PTPRA: variants seen among roughly 807,000 people sequenced by gnomAD.
PTPRA encodes the protein receptor-type tyrosine-protein phosphatase alpha.
In PTPRA, 25 loss-of-function variants were observed where a neutral mutation model predicts 104.8. The ratio of observed to expected loss-of-function variants is 0.24; its 90% CI spans 0.17 to 0.33. The LOEUF (loss-of-function observed/expected upper bound fraction) is 0.33. Among genes scored for constraint, PTPRA ranks in the 10% least tolerant of loss-of-function variants. The pLI is 1.00. For missense variants in PTPRA, 765 were observed against 1,015.3 expected (o/e 0.75, Z 3.35); for synonymous variants, 323 against 368.9 (o/e 0.88, Z 1.43).
intron 2 of PTPRA, among the ~76,000 whole-genome samples, chr20:2,937,042 A>G (rs892642705): frequency 1.3e-5 from 2 of 151,848 alleles, no homozygotes; most frequent in African/African-American, 4.8e-5. Flanking sequence ...ATTACAGTCT[A>G]TTAATATCAA....
At chr20:3,023,755 A>G (rs2065001166) in intron 16 of PTPRA, among the ~76,000 whole-genome samples, 1 of 152,178 alleles carries the variant, frequency 6.6e-6, no homozygotes, top group Admixed American at 6.5e-5. Flanking sequence ...GTGCTGGCGC[A>G]TGTCCTCCGT....
intron 9 of PTPRA, among the ~76,000 whole-genome samples, chr20:2,993,099 GTAGA>G (rs1346856117): frequency 6.7e-6 from 1 of 149,994 alleles, no homozygotes; most frequent in African/African-American, 2.5e-5. Context: ...AGGTAGGTAG[GTAGA>G]TTGATTGATT....
At chr20:2,930,273 C>T (rs549596958) in intron 2 of PTPRA, among the ~76,000 whole-genome samples, 3 of 152,084 alleles carry the variant, frequency 2.0e-5, no homozygotes, top group South Asian at 4.1e-4. Flanking sequence ...AAGTAAAATA[C>T]GAGCTGGCCA....
intron 1 of PTPRA, among the ~76,000 whole-genome samples, chr20:2,911,096 TTTA>T (rs777281807): frequency 2.6e-4 from 40 of 152,120 alleles, no homozygotes; most frequent in Non-Finnish European, 5.0e-4. Context: ...TTTAGTTGCT[TTTA>T]TTTTTATTTT....
chr20:2,925,269 A>G (rs909166961), intron 2 of PTPRA, among the ~76,000 whole-genome samples: 4 of 152,166 alleles, frequency 2.6e-5, no homozygotes, highest in Non-Finnish European at 5.9e-5. Flanking sequence ...ACCTCGTATA[A>G]GTGGAATCAT....
chr20:3,020,639 G>A (rs767443411), intron 13 of PTPRA, among the ~76,000 whole-genome samples: 2 of 152,222 alleles, frequency 1.3e-5, no homozygotes, highest in Non-Finnish European at 2.9e-5. Context: ...CTGGGCCACA[G>A]CCAGAGCCAA....
chr20:3,015,337 C>A lies in PTPRA; in HGVS notation c.907-512C>A, dbSNP rs567762438. On this transcript the variant is annotated intron_variant, in intron 11 of 23. Transcript: ENST00000399903. ...TTTTTTTTGGAGATGGAGTCTTGCT[C>A]TGTCACCAAGGCTGGAGTGCAGTGG... 7.0e-4 allele frequency among the ~76,000 whole-genome samples: 96 copies of A among 138,094 alleles called. 1 individual carries two copies. Among genetic ancestry groups the A allele is most frequent in the African/African-American group, 2.5e-3 (91 of 36,230 alleles). The allele number at this position is 138,094 out of a possible 152,430, so 90.6% of individuals were successfully genotyped here.
chr20:2,881,010 A>C (rs1433415379), intron 1 of PTPRA, among the ~76,000 whole-genome samples: 1 of 146,210 alleles, frequency 6.8e-6, no homozygotes, highest in Non-Finnish European at 1.5e-5. Flanking sequence ...TCTGTGTCTC[A>C]AAAAAAAAAA....
intron 7 of PTPRA, 24 bp downstream of exon 7, chr20:2,986,873 T>A: frequency 6.4e-7 from 1 of 1,559,820 alleles, no homozygotes; most frequent in Non-Finnish European, 8.8e-7. Context: ...CACTTCACAT[T>A]CTCTTAGATT....
chr20:2,872,564 A>G (rs2089455800), upstream of PTPRA, among the ~76,000 whole-genome samples: 2 of 152,220 alleles, frequency 1.3e-5, no homozygotes, highest in Admixed American at 6.5e-5. The surrounding 1 kb of genome is among the most constrained non-coding windows in gnomAD (Gnocchi z 7.9). Flanking sequence ...CAACCCGGCG[A>G]AATGTCGCAT....
intron 1 of PTPRA, among the ~76,000 whole-genome samples, chr20:2,912,028 A>C (rs2059742210): frequency 6.6e-6 from 1 of 151,778 alleles, no homozygotes; most frequent in African/African-American, 2.4e-5. Context: ...AGATCACTTG[A>C]GCCCAGGAGT....
chr20:2,917,311 T>C (rs2059940212), intron 1 of PTPRA, among the ~76,000 whole-genome samples: 2 of 152,128 alleles, frequency 1.3e-5, no homozygotes, highest in Admixed American at 1.3e-4. Context: ...TTATTTAGGG[T>C]CTCCTTGTTC....
intron 22 of PTPRA, among the ~76,000 whole-genome samples, chr20:3,036,793 G>A (rs1186748374): frequency 1.3e-5 from 2 of 152,232 alleles, no homozygotes; most frequent in African/African-American, 2.4e-5. Context: ...TGTAGGGAGT[G>A]GGGTTTGTCA....
chr20:2,881,542 G>T (rs895863131), intron 1 of PTPRA, among the ~76,000 whole-genome samples: 9 of 151,984 alleles, frequency 5.9e-5, no homozygotes, highest in Admixed American at 3.9e-4. Flanking sequence ...AAGAGACAGG[G>T]TCTCACTCTG....
intron 5 of PTPRA, among the ~76,000 whole-genome samples, chr20:2,970,235 C>T (rs574597464): frequency 1.3e-5 from 2 of 152,276 alleles, no homozygotes; most frequent in South Asian, 4.1e-4. Flanking sequence ...ATTTCAGACA[C>T]ATATGAGAAT....
chr20:2,973,381 C>G (rs1191393125), intron 5 of PTPRA, among the ~76,000 whole-genome samples: 3 of 152,158 alleles, frequency 2.0e-5, no homozygotes, highest in African/African-American at 7.2e-5. Flanking sequence ...ACAAGCACAG[C>G]TTTAGCCACA....
At chr20:2,906,313 A>G (rs550011262) in intron 1 of PTPRA, among the ~76,000 whole-genome samples, 2 of 152,272 alleles carry the variant, frequency 1.3e-5, no homozygotes, top group Non-Finnish European at 2.9e-5. Flanking sequence ...CCTGAGTCCT[A>G]TTTGTGTTAG....
chr20:2,866,861 C>T, the PTPRA span: 3 of 393,496 alleles, frequency 7.6e-6, no homozygotes, highest in East Asian at 4.4e-5. Flanking sequence ...CAGCCATACT[C>T]GCAAGAAACG....
intron 9 of PTPRA, among the ~76,000 whole-genome samples, chr20:2,990,025 G>T (rs1318701641): frequency 6.6e-6 from 1 of 152,080 alleles, no homozygotes; most frequent in South Asian, 2.1e-4. Context: ...TCAAAAAAAA[G>T]AAAAAATGAC....
Sources: gnomAD v4.1 joint callset for allele counts (sites outside exome capture counted in the v4.1 genomes callset) on GRCh38, gnomAD v4.1.1 for gene constraint, Gnocchi (gnomAD v3.1) non-coding constraint, MANE v1.5 for transcripts, NCBI Gene and HGNC (gene_info 2026-07-23, HGNC 2026-07-21) for gene names.